The following SAMSN1 variants were observed in gnomAD, a reference collection of about 807,000 sequenced individuals.
The protein encoded by SAMSN1 is SAM domain, SH3 domain and nuclear localization signals 1, also known as SAM domain-containing protein SAMSN-1.
Under a neutral mutation model 42.0 loss-of-function variants are expected in SAMSN1, and 31 were observed. The observed-to-expected ratio is 0.74, with a 90% CI of 0.55 to 1.00. The LOEUF (loss-of-function observed/expected upper bound fraction) is 1.00. SAMSN1 is among the 50% of genes least tolerant of loss of function. The probability of loss-of-function intolerance (pLI) is 0.00; values close to 1 mark genes in which losing one functional copy is unlikely to be tolerated. For synonymous variants in SAMSN1, 178 were observed against 151.9 expected (o/e 1.17, Z -1.26); for missense variants, 464 against 439.4 (o/e 1.06, Z -0.50).
At position 14,544,377 on chromosome 21, in the gene SAMSN1, T is replaced by C. The variant is rs148187110; in HGVS notation, c.57+1828A>G. 5.0e-3 allele frequency among the ~76,000 whole-genome samples: 764 copies of C among 152,234 alleles called. 7 individuals carry two copies. Among genetic ancestry groups the C allele is most frequent in the African/African-American group, 0.017 (723 of 41,516 alleles). On this transcript the variant is annotated intron_variant, in intron 1 of 7. Transcript: ENST00000400566. ...GATACTGCTCTTTATTCATATAATA[T>C]GCAAAGAAAATTACCCACCAAAATA... is the stretch of plus-strand genomic sequence containing the variant.
chr21:14,587,234 C>A (rs116396304), upstream of SAMSN1, among the ~76,000 whole-genome samples: 323 of 152,228 alleles, frequency 2.1e-3, 3 homozygotes, highest in African/African-American at 7.2e-3. Context: ...GCATTTGTAT[C>A]AAAAATGTGA....
Position 14,500,511 on chromosome 21 carries a change from G to A in SAMSN1, c.768+18C>T. On this transcript the variant is annotated intron_variant, in intron 6 of 7. Coordinates refer to ENST00000400566, the MANE Select transcript of SAMSN1 (RefSeq NM_022136.5). ...ATTTACATGCTTCCAAAAGCAAACA[G>A]AACACAGATTTGCTCACCTGCAGAT... is the stretch of plus-strand genomic sequence containing the variant. The A allele has an allele frequency of 6.2e-7, 1 of 1,606,944 alleles. No homozygotes were observed. Among genetic ancestry groups the A allele is most frequent in the Non-Finnish European group, 8.5e-7 (1 of 1,173,644 alleles).
chr21:14,508,715 C>T (rs773682650), intron 5 of SAMSN1, among the ~76,000 whole-genome samples: 2 of 152,138 alleles, frequency 1.3e-5, no homozygotes, highest in South Asian at 4.1e-4. Flanking sequence ...GGTATCTATG[C>T]AGAGGAAAAG....
At chr21:14,643,111 T>C (rs1568841462) in exon 2 of SAMSN1, 1 of 717,250 alleles carries the variant, frequency 1.4e-6, no homozygotes, top group Non-Finnish European at 2.6e-6. Context: ...GATTGGCTCA[T>C]ATAAGCTATC....
At chr21:14,594,354 T>C (rs566207544) in intron 6 of SAMSN1, among the ~76,000 whole-genome samples, 1 of 152,282 alleles carries the variant, frequency 6.6e-6, no homozygotes, top group South Asian at 2.1e-4. Context: ...TGTATGTGTC[T>C]ATGTGTATTA....
chr21:14,490,223 A>G (rs1986625162), intron 7 of SAMSN1, among the ~76,000 whole-genome samples: 3 of 152,150 alleles, frequency 2.0e-5, no homozygotes, highest in East Asian at 1.9e-4. Context: ...TCAATAAATA[A>G]TTTTTTAATA....
intron 6 of SAMSN1, among the ~76,000 whole-genome samples, chr21:14,597,636 G>A (rs1408302341): frequency 2.0e-5 from 3 of 152,176 alleles, no homozygotes; most frequent in African/African-American, 7.2e-5. Flanking sequence ...CGGCTTTGAG[G>A]AAGAGAATAA....
At chr21:14,584,275 A>C (rs771172749), upstream of SAMSN1, among the ~76,000 whole-genome samples, 100 of 152,320 alleles carry the variant, frequency 6.6e-4, 2 homozygotes, top group Non-Finnish European at 3.8e-4. Flanking sequence ...CAAGTATGAA[A>C]ATTTTTCAAA....
Position 14,516,949 on chromosome 21 carries a change from T to C in SAMSN1, c.222A>G (p.Ser74=). Reference sequence around the variant, plus strand: ...TACCCACTTTTTTCTTCATTGTCCATGAAATAGCTCTCATTTTTTTACCCA... The same window carrying C: ...TACCCACTTTTTTCTTCATTGTCCACGAAATAGCTCTCATTTTTTTACCCA... ...GGLGKKMRAI[S]WTMKKKVGKK... The change falls in exon 3 of 8, where the codon TCA becomes TCG. Residue 74 remains serine (S), a synonymous_variant. Coordinates refer to ENST00000400566, the MANE Select transcript of SAMSN1 (RefSeq NM_022136.5). 1 of 1,613,570 alleles carries C rather than the reference T, an allele frequency of 6.2e-7. No homozygotes were observed. The highest frequency in any genetic ancestry group is 8.5e-7 in the Non-Finnish European group (1 of 1,179,650).
At position 14,612,990 on chromosome 21, in the gene SAMSN1, G is replaced by A; in HGVS notation, c.198-77C>T. 3.2e-6 allele frequency: 2 copies of A among 624,838 alleles called. 1 individual carries two copies. The highest frequency in any genetic ancestry group is 3.6e-5 in the South Asian group (2 of 55,578). 38.7% of individuals were successfully genotyped at this position (624,838 alleles called of 1,614,324 possible). ...TTTAATCAAACAGAAATTAGAATAT[G>A]TGCAACACTTTGGGAACAGAAATAA... On this transcript the variant is annotated intron_variant, in intron 3 of 15. Coordinates refer to the SAMSN1 transcript ENST00000647101.
chr21:14,643,581 T>C (rs957341970), intron 1 of SAMSN1, among the ~76,000 whole-genome samples: 4 of 152,146 alleles, frequency 2.6e-5, no homozygotes, highest in African/African-American at 9.7e-5. Flanking sequence ...AACTGTAAAG[T>C]AGCAGTTTCA....
chr21:14,577,234 GTGTGTATATATATATATA>G lies in SAMSN1; in HGVS notation c.261+4884_261+4901del, dbSNP rs1279757880. Among the ~76,000 whole-genome samples, 149 of 21,310 alleles carry G rather than the reference GTGTGTATATATATATATA, an allele frequency of 7.0e-3. 1 individual carries two copies. Among genetic ancestry groups the G allele is most frequent in the Middle Eastern group, 0.029 (1 of 34 alleles). The allele number at this position is 21,310 out of a possible 152,430, so 14.0% of individuals were successfully genotyped here. A position where few individuals can be genotyped will look rare whatever the true frequency, so the allele number is the denominator to read the frequency against. ...CCATGGTGGGCTAATTTATATATATGTGTGTATATATATATATATATATATATATATATATATATATAT... is the reference window on the plus strand; with the variant it reads ...CCATGGTGGGCTAATTTATATATATGTATATATATATATATATATATATAT... On this transcript the variant is annotated intron_variant, in intron 2 of 8. Coordinates refer to the SAMSN1 transcript ENST00000285670.
intron 1 of SAMSN1, among the ~76,000 whole-genome samples, chr21:14,525,536 A>G (rs2822731): frequency 0.18 from 26,963 of 152,196 alleles, 2,695 homozygotes; most frequent in East Asian, 0.29. Flanking sequence ...TATAGATCAA[A>G]TAAACCACTA....
At chr21:14,604,116 C>G (rs1409400742) in intron 5 of SAMSN1, among the ~76,000 whole-genome samples, 2 of 152,110 alleles carry the variant, frequency 1.3e-5, no homozygotes, top group Non-Finnish European at 2.9e-5. Flanking sequence ...TGGTCTTACA[C>G]GTTTTTGTTT....
At chr21:14,530,211 G>A (rs1369435502) in intron 1 of SAMSN1, among the ~76,000 whole-genome samples, 1 of 151,832 alleles carries the variant, frequency 6.6e-6, no homozygotes, top group Non-Finnish European at 1.5e-5. Context: ...CAGCTACTTG[G>A]GAGGCTGAGG....
At chr21:14,523,631 T>C (rs1978641351) in intron 1 of SAMSN1, among the ~76,000 whole-genome samples, 1 of 152,224 alleles carries the variant, frequency 6.6e-6, no homozygotes, top group Non-Finnish European at 1.5e-5. Flanking sequence ...TACTCTTTTA[T>C]ATACTTGAAA....
intron 6 of SAMSN1, among the ~76,000 whole-genome samples, chr21:14,600,006 AG>A (rs1283398165): frequency 6.6e-6 from 1 of 152,180 alleles, no homozygotes; most frequent in Non-Finnish European, 1.5e-5. Context: ...CCTAGGCTCC[AG>A]TCATGACGAT....
intron 7 of SAMSN1, among the ~76,000 whole-genome samples, chr21:14,489,227 A>G (rs1199026447): frequency 6.6e-6 from 1 of 152,216 alleles, no homozygotes; most frequent in Non-Finnish European, 1.5e-5. Flanking sequence ...TGGGCTAACC[A>G]GGCAAGTAAC....
intron 3 of SAMSN1, among the ~76,000 whole-genome samples, chr21:14,516,036 T>C (rs1373987261): frequency 6.6e-6 from 1 of 152,100 alleles, no homozygotes; most frequent in East Asian, 1.9e-4. Flanking sequence ...TGCAGAGAAA[T>C]TGGAACCCTC....
Sources: gnomAD v4.1 joint callset for allele counts (sites outside exome capture counted in the v4.1 genomes callset) on GRCh38, gnomAD v4.1.1 for gene constraint, MANE v1.5 for transcripts, NCBI Gene and HGNC (gene_info 2026-07-23, HGNC 2026-07-21) for gene names.